Variants in RNF152 observed in about 807,000 individuals in gnomAD.
RNF152 encodes the protein ring finger protein 152, also known as E3 ubiquitin-protein ligase RNF152.
A neutral mutation model predicts 12.7 loss-of-function variants in RNF152; 11 were observed. That is an observed-to-expected ratio of 0.86 (90% CI 0.54 to 1.43). The LOEUF (loss-of-function observed/expected upper bound fraction) is 1.43, where lower values mean the gene tolerates loss of function less well. Among genes scored for constraint, RNF152 ranks in the 40% most tolerant of loss-of-function variants. The probability of loss-of-function intolerance (pLI) is 0.00; values close to 1 mark genes in which losing one functional copy is unlikely to be tolerated. For synonymous variants in RNF152, 113 were observed against 120.3 expected, an observed-to-expected ratio of 0.94 and a Z score of 0.40; for missense variants, 255 against 274.8, an observed-to-expected ratio of 0.93 and a Z score of 0.51.
intron 1 of RNF152, among the ~76,000 whole-genome samples, chr18:61,846,738 C>T (rs1027138378): frequency 3.3e-5 from 5 of 152,068 alleles, no homozygotes; most frequent in African/African-American, 1.2e-4. Flanking sequence ...AAAGAAGCAC[C>T]AGACATAGAA....
intron 1 of RNF152, among the ~76,000 whole-genome samples, chr18:61,869,866 T>A (rs140746940): frequency 1.0e-3 from 153 of 152,186 alleles, no homozygotes; most frequent in African/African-American, 3.2e-3. Flanking sequence ...GGCACAACAA[T>A]GATGTAAACA....
rs187726785 is a variant in RNF152, at chr18:61,885,784, T to C, written c.-136+7011A>G. On this transcript the variant is annotated intron_variant, in intron 1 of 1. Coordinates refer to ENST00000312828, the MANE Select transcript of RNF152 (RefSeq NM_173557.3). ...AAAAAAGGGAGGTAAAACAGATGTA[T>C]ATCACAAAGGTATTGAAGCCTTTAA... Among the ~76,000 whole-genome samples the C allele has an allele frequency of 2.6e-3, 393 of 152,214 alleles. 1 individual carries two copies. Among genetic ancestry groups the C allele is most frequent in the African/African-American group, 8.5e-3 (354 of 41,528 alleles).
In RNF152 at chr18:61,811,166, G is replaced by A. The variant is rs1033190170; in HGVS notation, c.*4686C>T. 3.3e-5 allele frequency: 5 copies of A among 151,858 alleles called. No homozygotes were observed. Among genetic ancestry groups the A allele is most frequent in the Non-Finnish European group, 5.9e-5 (4 of 67,998 alleles). The allele number at this position is 151,858 out of a possible 1,614,324, so 9.4% of individuals were successfully genotyped here. ...TGCTAAAATGAAGTAAATGTATTTT[G>A]TATATATTCCATTTGGAAAACAATG... On this transcript the variant is annotated 3_prime_UTR_variant, in exon 2 of 2. Transcript: ENST00000312828.
In RNF152 at chr18:61,887,832, C is replaced by A. The variant is rs142774871; in HGVS notation, c.-136+4963G>T. Among the ~76,000 whole-genome samples, 633 of 152,080 alleles carry A rather than the reference C, an allele frequency of 4.2e-3. 2 individuals are homozygous for A. Among genetic ancestry groups the A allele is most frequent in the African/African-American group, 0.013 (558 of 41,472 alleles). On this transcript the variant is annotated intron_variant, in intron 1 of 1. Transcript: ENST00000312828. ...AGTGTGATTATCTGGATGTCTAGAT[C>A]AGAACTGAGCCGGGAAAGTTACACT...
upstream of RNF152, among the ~76,000 whole-genome samples, chr18:61,894,402 A>G (rs926457479): frequency 1.3e-5 from 2 of 151,648 alleles, no homozygotes; most frequent in Admixed American, 1.3e-4. The surrounding 1 kb of genome is among the most constrained non-coding windows in gnomAD (Gnocchi z 4.9). Flanking sequence ...GCGGTCGGAC[A>G]CCGCCGCCAG....
At chr18:61,817,067 T>C (rs989000859) in intron 1 of RNF152, among the ~76,000 whole-genome samples, 8 of 152,236 alleles carry the variant, frequency 5.3e-5, no homozygotes, top group Non-Finnish European at 1.0e-4. Flanking sequence ...TTAGGCAACT[T>C]CACAAACCTA....
intron 1 of RNF152, among the ~76,000 whole-genome samples, chr18:61,885,668 T>C (rs1161857995): frequency 6.6e-6 from 1 of 152,220 alleles, no homozygotes; most frequent in African/African-American, 2.4e-5. Context: ...CTGAACATAT[T>C]TCCCTCTTTC....
chr18:61,839,238 T>A lies in RNF152; in HGVS notation c.-135-22640A>T, dbSNP rs1053283913. On this transcript the variant is annotated intron_variant, in intron 1 of 1. Coordinates refer to ENST00000312828, the MANE Select transcript of RNF152 (RefSeq NM_173557.3). ...CAGATCTCATCCACATTTCACCCAG[T>A]GTTCCTCTAATAATGCAAAAGGATA... Among the ~76,000 whole-genome samples the A allele has an allele frequency of 2.0e-5, 3 of 152,168 alleles. No homozygotes were observed. The South Asian group carries it at 6.2e-4, about 32-fold the overall frequency.
chr18:61,877,113 A>G (rs1376646397), intron 1 of RNF152, among the ~76,000 whole-genome samples: 1 of 152,170 alleles, frequency 6.6e-6, no homozygotes. Flanking sequence ...CAGCCATCGA[A>G]AGACTCATCC....
chr18:61,869,210 T>C (rs1275452007), intron 1 of RNF152, among the ~76,000 whole-genome samples: 1 of 152,158 alleles, frequency 6.6e-6, no homozygotes, highest in African/African-American at 2.4e-5. Flanking sequence ...TCCAAAGAAA[T>C]AGGGAATGTC....
chr18:61,859,902 A>AAAGAAAAGAG (rs1911387392), intron 1 of RNF152, among the ~76,000 whole-genome samples: 1 of 152,000 alleles, frequency 6.6e-6, no homozygotes, highest in African/African-American at 2.4e-5. Flanking sequence ...AAAGAAAAGA[A>AAAGAAAAGAG]AAGAAATCCT....
intron 1 of RNF152, among the ~76,000 whole-genome samples, chr18:61,863,134 C>T (rs1296531828): frequency 6.6e-6 from 1 of 152,140 alleles, no homozygotes; most frequent in African/African-American, 2.4e-5. Context: ...AAAACATTTG[C>T]TCTTGAAAAG....
rs552539977 is a variant in RNF152, at chr18:61,822,484, T to C, written c.-135-5886A>G. ...TATGCATCTTTTGAAAAGGTACAGGTGTGACAAAGTGCGCGCATTCATTTG... is the reference window on the plus strand; with the variant it reads ...TATGCATCTTTTGAAAAGGTACAGGCGTGACAAAGTGCGCGCATTCATTTG... On this transcript the variant is annotated intron_variant, in intron 1 of 1. Transcript: ENST00000312828. 4.6e-5 allele frequency among the ~76,000 whole-genome samples: 7 copies of C among 152,292 alleles called. No individual in the cohort carries two copies. In the South Asian group the frequency reaches 1.5e-3, roughly 32 times the overall value.
rs1320688429 is a variant in RNF152, at chr18:61,849,096, A to G, written c.-135-32498T>C. On this transcript the variant is annotated intron_variant, in intron 1 of 1. Transcript: ENST00000312828. ...GGGGTTTGGGAGCCAAGTCTGTGTC[A>G]ACCCGTACTATGACTCCCTGCCTCC... Among the ~76,000 whole-genome samples the G allele has an allele frequency of 2.0e-5, 3 of 152,194 alleles. No individual in the cohort carries two copies. In the East Asian group the frequency reaches 5.8e-4, roughly 29 times the overall value.
intron 1 of RNF152, among the ~76,000 whole-genome samples, chr18:61,827,889 A>C (rs1568266580): frequency 6.6e-6 from 1 of 152,208 alleles, no homozygotes; most frequent in Non-Finnish European, 1.5e-5. Context: ...GAAAGAAAAA[A>C]GTACAAACCT....
In RNF152 at chr18:61,814,749, C is replaced by A. The variant is rs1192666607; in HGVS notation, c.*1103G>T. The A allele has an allele frequency of 6.6e-6, 1 of 152,178 alleles. No individual in the cohort carries two copies. Among genetic ancestry groups the A allele is most frequent in the African/African-American group, 2.4e-5 (1 of 41,438 alleles). The allele number at this position is 152,178 out of a possible 1,614,324, so 9.4% of individuals were successfully genotyped here. On this transcript the variant is annotated 3_prime_UTR_variant, in exon 2 of 2. Coordinates refer to ENST00000312828, the MANE Select transcript of RNF152 (RefSeq NM_173557.3). Reference sequence around the variant, plus strand: ...GAATCACAGGCCATTTATTAAAATGCCCGCCTGGGTTGACCATCAGTCACA... The same window carrying A: ...GAATCACAGGCCATTTATTAAAATGACCGCCTGGGTTGACCATCAGTCACA...
At position 61,891,955 on chromosome 18, in the gene RNF152, T is replaced by C. The variant is rs77535457; in HGVS notation, c.-136+840A>G. On this transcript the variant is annotated intron_variant, in intron 1 of 1. Transcript: ENST00000312828. ...CCATTCTTATTCCCTGCTACTAGTG[T>C]AGGATGCGCAGGACTCTGCCCTCTA... Among the ~76,000 whole-genome samples, 671 of 152,296 alleles carry C rather than the reference T, an allele frequency of 4.4e-3. 5 individuals carry two copies. Among genetic ancestry groups the C allele is most frequent in the Middle Eastern group, 0.014 (4 of 294 alleles).
intron 1 of RNF152, among the ~76,000 whole-genome samples, chr18:61,848,107 C>G (rs1910816593): frequency 6.6e-6 from 1 of 152,086 alleles, no homozygotes; most frequent in Non-Finnish European, 1.5e-5. Context: ...GCTGCATTCC[C>G]AGCATCTAGA....
rs929030085 is a variant in RNF152 at position 61,816,041 on chromosome 18, A to G, written c.423T>C (p.Pro141=). Residue 141 remains proline, a synonymous_variant, in exon 2 of 2, where the codon CCT becomes CCC. Coordinates refer to ENST00000312828, the MANE Select transcript of RNF152 (RefSeq NM_173557.3). ...TVVTIPAEQQ[P]LQGGAPQEAV... Reference sequence around the variant, plus strand: ...CCTCCTGGGGAGCCCCACCTTGCAGAGGCTGCTGTTCAGCAGGGATGGTCA... The same window carrying G: ...CCTCCTGGGGAGCCCCACCTTGCAGGGGCTGCTGTTCAGCAGGGATGGTCA... 1.3e-5 allele frequency: 21 copies of G among 1,614,042 alleles called. No individual in the cohort carries two copies. Among genetic ancestry groups the G allele is most frequent in the Non-Finnish European group, 1.8e-5 (21 of 1,180,030 alleles).
Sources: allele counts gnomAD v4.1 joint callset (sites outside exome capture counted in the v4.1 genomes callset), GRCh38; gene constraint gnomAD v4.1.1; non-coding constraint Gnocchi (gnomAD v3.1); transcripts MANE v1.5; gene names NCBI Gene and HGNC (gene_info 2026-07-23, HGNC 2026-07-21).